The following LRP1B variants were observed in gnomAD, a reference collection of about 807,000 sequenced individuals.
LRP1B encodes the protein low-density lipoprotein receptor-related protein 1B.
In LRP1B, 217 loss-of-function variants were observed where a neutral mutation model predicts 556.6. That is an observed-to-expected ratio of 0.39 (90% CI 0.35 to 0.44). The LOEUF is 0.44. Among genes scored for constraint, LRP1B ranks in the 20% least tolerant of loss-of-function variants. LRP1B has a pLI of 1.00. For synonymous variants in LRP1B, 2,047 were observed against 1,865.8 expected, an observed-to-expected ratio of 1.10 and a Z score of -2.50; for missense variants, 5,053 against 5,620.8, an observed-to-expected ratio of 0.90 and a Z score of 3.23.
intron 3 of LRP1B, among the ~76,000 whole-genome samples, chr2:141,467,839 C>CGGGGG (rs1193797469): frequency 2.8e-4 from 16 of 57,182 alleles, no homozygotes; most frequent in East Asian, 2.5e-3. Context: ...GTTTGCGGAC[C>CGGGGG]GGGGGGGGGG....
intron 1 of LRP1B, among the ~76,000 whole-genome samples, chr2:141,814,262 T>G (rs959565464): frequency 9.9e-5 from 15 of 152,074 alleles, no homozygotes; most frequent in Non-Finnish European, 1.5e-4. Context: ...TGTTTCCATA[T>G]AGGGATGTGG....
At chr2:140,909,157 T>C (rs1694344735) in intron 21 of LRP1B, among the ~76,000 whole-genome samples, 1 of 152,196 alleles carries the variant, frequency 6.6e-6, no homozygotes, top group South Asian at 2.1e-4. Context: ...AGTCTTTCAC[T>C]GACTTCTTAT....
intron 86 of LRP1B, chr2:140,269,489 C>A: frequency 2.5e-6 from 1 of 406,690 alleles, no homozygotes; most frequent in Non-Finnish European, 4.9e-6. Flanking sequence ...CGAAAAGGTT[C>A]CCAGATATGC....
intron 21 of LRP1B, among the ~76,000 whole-genome samples, chr2:140,917,386 A>T (rs1352601735): frequency 6.6e-6 from 1 of 152,186 alleles, no homozygotes; most frequent in Non-Finnish European, 1.5e-5. Context: ...TCCACCCAAA[A>T]GCCTGCATGT....
At chr2:140,538,348 T>C (rs1242299225) in intron 45 of LRP1B, among the ~76,000 whole-genome samples, 2 of 152,134 alleles carry the variant, frequency 1.3e-5, no homozygotes, top group African/African-American at 4.8e-5. Flanking sequence ...GTACCAATAG[T>C]TAATTTTTCA....
chr2:141,668,157 T>C (rs970844812), intron 2 of LRP1B, among the ~76,000 whole-genome samples: 2 of 152,170 alleles, frequency 1.3e-5, no homozygotes, highest in Non-Finnish European at 2.9e-5. Flanking sequence ...ACTCAGCATT[T>C]CTAAATATAC....
chr2:140,964,644 G>A (rs1408120243), intron 18 of LRP1B, among the ~76,000 whole-genome samples: 1 of 150,488 alleles, frequency 6.6e-6, no homozygotes, highest in Non-Finnish European at 1.5e-5. Flanking sequence ...GTTTTTCCTA[G>A]GCTATGATTA....
At chr2:140,846,248 T>C (rs2105109136) in intron 29 of LRP1B, among the ~76,000 whole-genome samples, 1 of 152,320 alleles carries the variant, frequency 6.6e-6, no homozygotes, top group African/African-American at 2.4e-5. Flanking sequence ...ATTTTGAAAC[T>C]ATTTGCTCCA....
At position 140,485,258 on chromosome 2, in the gene LRP1B, C is replaced by T. The variant is rs1282791249; in HGVS notation, c.9425+85G>A. On this transcript the variant is annotated intron_variant, in intron 59 of 90. Transcript: ENST00000389484. ...ACACTTACACGTTACATTGGATTTC[C>T]ATGTTAATGATCTATAGTACTAGAT... is the stretch of plus-strand genomic sequence containing the variant. 3 of 977,456 alleles carry T rather than the reference C, an allele frequency of 3.1e-6. No homozygotes were observed. In the African/African-American group the frequency reaches 5.0e-5, roughly 16 times the overall value. The allele number at this position is 977,456 out of a possible 1,614,324, so 60.5% of individuals were successfully genotyped here.
At chr2:142,032,027 G>A (rs936427019) in intron 1 of LRP1B, among the ~76,000 whole-genome samples, 3 of 151,812 alleles carry the variant, frequency 2.0e-5, no homozygotes, top group African/African-American at 7.3e-5. Context: ...CCCTTCTGAG[G>A]GAGCATGGCC....
At chr2:140,712,398 G>T (rs1032938516) in intron 37 of LRP1B, among the ~76,000 whole-genome samples, 1 of 151,900 alleles carries the variant, frequency 6.6e-6, no homozygotes, top group African/African-American at 2.4e-5. Context: ...CTCTTTCTGG[G>T]ATACCTAATG....
chr2:142,001,332 C>A (rs1353533553), intron 1 of LRP1B, among the ~76,000 whole-genome samples: 14 of 152,086 alleles, frequency 9.2e-5, no homozygotes. Context: ...GGGCTATTGC[C>A]TGGTTGTTAG....
intron 35 of LRP1B, among the ~76,000 whole-genome samples, chr2:140,766,837 ATATATAT>A (rs201273618): frequency 0.066 from 1,483 of 22,492 alleles, 46 homozygotes; most frequent in African/African-American, 0.094. Context: ...ATATATATAT[ATATATAT>A]TATATATATA....
intron 1 of LRP1B, among the ~76,000 whole-genome samples, chr2:141,954,698 C>T (rs1046934292): frequency 6.6e-6 from 1 of 152,052 alleles, no homozygotes. Flanking sequence ...ACTGTGCGTT[C>T]ATATCTTCAG....
chr2:140,642,304 C>G (rs1684324677), intron 41 of LRP1B, among the ~76,000 whole-genome samples: 1 of 152,210 alleles, frequency 6.6e-6, no homozygotes, highest in South Asian at 2.1e-4. Flanking sequence ...CATTCCACCG[C>G]TACACGCCTA....
chr2:141,789,060 G>C (rs1055955384), intron 2 of LRP1B, among the ~76,000 whole-genome samples: 1 of 151,960 alleles, frequency 6.6e-6, no homozygotes, highest in African/African-American at 2.4e-5. Flanking sequence ...GTAATGGGAT[G>C]CCTGGGTCAA....
intron 3 of LRP1B, among the ~76,000 whole-genome samples, chr2:141,357,118 C>T (rs956809860): frequency 2.2e-4 from 33 of 151,730 alleles, no homozygotes; most frequent in African/African-American, 7.3e-4. Context: ...TGCAGTGGTG[C>T]GATCTTGGCT....
intron 7 of LRP1B, among the ~76,000 whole-genome samples, chr2:141,129,117 A>G (rs1447744228): frequency 2.0e-5 from 3 of 152,194 alleles, no homozygotes; most frequent in African/African-American, 7.2e-5. Flanking sequence ...AGGCAACTTT[A>G]ATAAAGATTT....
intron 3 of LRP1B, among the ~76,000 whole-genome samples, chr2:141,385,563 C>CA (rs1465565730): frequency 6.6e-6 from 1 of 150,598 alleles, no homozygotes; most frequent in Non-Finnish European, 1.5e-5. Flanking sequence ...CATGACAGAA[C>CA]AAAAAATCAT....
Sources: allele counts gnomAD v4.1 joint callset (sites outside exome capture counted in the v4.1 genomes callset), GRCh38; gene constraint gnomAD v4.1.1; transcripts MANE v1.5; gene names NCBI Gene and HGNC (gene_info 2026-07-23, HGNC 2026-07-21).